SUGCT: variants seen among roughly 807,000 people sequenced by gnomAD.
The protein encoded by SUGCT is succinyl-CoA:glutarate-CoA transferase, also known as succinyl-CoA:glutarate CoA-transferase.
SUGCT carries 41 observed loss-of-function variants against 55.0 expected under a neutral mutation model. The observed-to-expected ratio is 0.74, with a 90% CI of 0.58 to 0.97. The LOEUF is 0.97. SUGCT is among the 50% of genes least tolerant of loss of function. SUGCT has a pLI of 0.00. For missense variants in SUGCT, 568 were observed against 547.8 expected, an observed-to-expected ratio of 1.04 and a Z score of -0.37; for synonymous variants, 187 against 200.4, an observed-to-expected ratio of 0.93 and a Z score of 0.56.
chr7:40,378,680 C>T (rs1784722990), intron 9 of SUGCT, among the ~76,000 whole-genome samples: 1 of 152,142 alleles, frequency 6.6e-6, no homozygotes, highest in African/African-American at 2.4e-5. Flanking sequence ...GCAACATTGG[C>T]CAGGCTGTTC....
At chr7:40,858,453 T>C (rs1004082323) in intron 13 of SUGCT, among the ~76,000 whole-genome samples, 1 of 149,834 alleles carries the variant, frequency 6.7e-6, no homozygotes, top group African/African-American at 2.5e-5. Context: ...AGCTGGACTA[T>C]GATAGCTATT....
the SUGCT span, among the ~76,000 whole-genome samples, chr7:41,009,876 G>A: frequency 2.6e-5 from 4 of 152,320 alleles, no homozygotes; most frequent in African/African-American, 9.6e-5. Flanking sequence ...TCTCATCAAT[G>A]AAATCAGTGA....
At chr7:40,611,443 T>A (rs1267224244) in intron 12 of SUGCT, among the ~76,000 whole-genome samples, 1 of 152,220 alleles carries the variant, frequency 6.6e-6, no homozygotes, top group African/African-American at 2.4e-5. Flanking sequence ...CAAAACATAC[T>A]GAATGACTGA....
intron 9 of SUGCT, among the ~76,000 whole-genome samples, chr7:40,441,504 A>G (rs970972500): frequency 1.6e-4 from 25 of 152,162 alleles, no homozygotes; most frequent in African/African-American, 6.0e-4. Context: ...ATGAACTTAG[A>G]ATGTTGAAGC....
At chr7:40,942,409 A>G in the SUGCT span, among the ~76,000 whole-genome samples, 8 of 152,240 alleles carry the variant, frequency 5.3e-5, no homozygotes, top group South Asian at 1.4e-3. Flanking sequence ...TCTGGCTTGT[A>G]TGGTTTTTGC....
intron 9 of SUGCT, among the ~76,000 whole-genome samples, chr7:40,360,694 T>C (rs1798109850): frequency 6.6e-6 from 1 of 152,202 alleles, no homozygotes; most frequent in Admixed American, 6.5e-5. Context: ...ATGAAGGGAT[T>C]GGACTAGCAT....
At chr7:40,156,259 C>T (rs1034816488) in intron 1 of SUGCT, among the ~76,000 whole-genome samples, 1 of 151,952 alleles carries the variant, frequency 6.6e-6, no homozygotes, top group African/African-American at 2.4e-5. Context: ...GTCAGGAGAT[C>T]GAGAGCATCC....
the SUGCT span, among the ~76,000 whole-genome samples, chr7:40,989,493 A>G: frequency 1.3e-5 from 2 of 152,120 alleles, no homozygotes; most frequent in Admixed American, 6.6e-5. Flanking sequence ...CTTGGCTGGC[A>G]TGGTGGCTCA....
chr7:40,697,232 CT>C (rs1274134705), intron 12 of SUGCT, among the ~76,000 whole-genome samples: 1 of 152,174 alleles, frequency 6.6e-6, no homozygotes, highest in African/African-American at 2.4e-5. Flanking sequence ...CTCTATGACT[CT>C]TTTCTGTTTA....
chr7:40,411,353 A>G (rs1182207066), intron 9 of SUGCT, among the ~76,000 whole-genome samples: 1 of 152,366 alleles, frequency 6.6e-6, no homozygotes, highest in East Asian at 1.9e-4. Flanking sequence ...AGATCGTGCC[A>G]CTGTGCTCCA....
intron 6 of SUGCT, among the ~76,000 whole-genome samples, chr7:40,197,480 T>C (rs1333007196): frequency 1.3e-5 from 2 of 152,250 alleles, no homozygotes; most frequent in Non-Finnish European, 2.9e-5. Flanking sequence ...TGGGATTCAG[T>C]TGATACAGAC....
intron 6 of SUGCT, among the ~76,000 whole-genome samples, chr7:40,198,084 A>G (rs995276694): frequency 6.6e-6 from 1 of 152,212 alleles, no homozygotes; most frequent in Non-Finnish European, 1.5e-5. Flanking sequence ...TAGTGATATT[A>G]TGGAGGAATG....
chr7:40,137,904 A>G (rs1243367036), intron 1 of SUGCT, among the ~76,000 whole-genome samples: 1 of 151,126 alleles, frequency 6.6e-6, no homozygotes, highest in Admixed American at 6.6e-5. Flanking sequence ...CTGGTCTTGA[A>G]CTCCTCAGCT....
chr7:40,330,248 A>G (rs1383052470), intron 9 of SUGCT, among the ~76,000 whole-genome samples: 1 of 152,230 alleles, frequency 6.6e-6, no homozygotes, highest in African/African-American at 2.4e-5. Context: ...GAAGTTTTAT[A>G]AAGAAGATTG....
At chr7:40,492,907 T>A (rs1353910429) in intron 11 of SUGCT, among the ~76,000 whole-genome samples, 1 of 152,194 alleles carries the variant, frequency 6.6e-6, no homozygotes, top group East Asian at 1.9e-4. Context: ...GTCTTTTTTA[T>A]TGCAATCTCC....
the SUGCT span, among the ~76,000 whole-genome samples, chr7:40,902,726 T>G: frequency 6.6e-6 from 1 of 152,176 alleles, no homozygotes; most frequent in Admixed American, 6.5e-5. Flanking sequence ...TTCAACATGA[T>G]TTTCAGGATT....
chr7:40,897,689 C>T, the SUGCT span, among the ~76,000 whole-genome samples: 11 of 152,124 alleles, frequency 7.2e-5, no homozygotes, highest in African/African-American at 2.7e-4. Context: ...TGAAGGACTT[C>T]CAAAGACAGC....
At chr7:40,518,058 A>T (rs987865210) in intron 12 of SUGCT, among the ~76,000 whole-genome samples, 3 of 152,180 alleles carry the variant, frequency 2.0e-5, no homozygotes, top group African/African-American at 7.2e-5. Flanking sequence ...ACTCTTCTAT[A>T]TGGTACTGTG....
At chr7:40,375,021 GGGC>G (rs1263926253) in intron 9 of SUGCT, among the ~76,000 whole-genome samples, 1 of 152,144 alleles carries the variant, frequency 6.6e-6, no homozygotes, top group Non-Finnish European at 1.5e-5. Context: ...TGTCACGTGT[GGGC>G]TCAGTCTTCA....
Sources: allele counts gnomAD v4.1 joint callset (sites outside exome capture counted in the v4.1 genomes callset), GRCh38; gene constraint gnomAD v4.1.1; transcripts MANE v1.5; gene names NCBI Gene and HGNC (gene_info 2026-07-23, HGNC 2026-07-21).